Variants in GALNT13 observed in about 807,000 individuals in gnomAD.
GALNT13 encodes the protein UDP-GalNAc:polypeptide N-acetylgalactosaminyltransferase 13.
A neutral mutation model predicts 64.2 loss-of-function variants in GALNT13; 28 were observed. That is an observed-to-expected ratio of 0.44 (90% CI 0.32 to 0.60). The LOEUF is 0.60. GALNT13 is among the 20% of genes least tolerant of loss of function. The probability of loss-of-function intolerance (pLI) is 0.05; values close to 1 mark genes in which losing one functional copy is unlikely to be tolerated. For missense variants in GALNT13, 577 were observed against 669.8 expected, an observed-to-expected ratio of 0.86 and a Z score of 1.53; for synonymous variants, 214 against 224.6, an observed-to-expected ratio of 0.95 and a Z score of 0.42.
chr2:154,141,560 A>G (rs1412020857), intron 4 of GALNT13, among the ~76,000 whole-genome samples: 1 of 152,192 alleles, frequency 6.6e-6, no homozygotes, highest in Non-Finnish European at 1.5e-5. Flanking sequence ...ATCACTAGGC[A>G]ATAGGAATCT....
At chr2:153,679,187 C>T in the GALNT13 span, among the ~76,000 whole-genome samples, 29 of 151,926 alleles carry the variant, frequency 1.9e-4, no homozygotes, top group Non-Finnish European at 1.5e-5. Context: ...AGCCTGTTGA[C>T]TTCTAGAAAA....
At chr2:154,093,458 C>G (rs1026087034) in intron 3 of GALNT13, among the ~76,000 whole-genome samples, 2 of 151,928 alleles carry the variant, frequency 1.3e-5, no homozygotes. Flanking sequence ...TCTACCTTCA[C>G]AAAAATGAAT....
At chr2:153,686,128 T>TC in the GALNT13 span, among the ~76,000 whole-genome samples, 1 of 152,038 alleles carries the variant, frequency 6.6e-6, no homozygotes. Context: ...CTGTTCGGGC[T>TC]CTTTTTTTGG....
the GALNT13 span, among the ~76,000 whole-genome samples, chr2:153,471,393 G>T: frequency 1.3e-5 from 2 of 152,066 alleles, no homozygotes; most frequent in Non-Finnish European, 2.9e-5. Context: ...AGAAAACTCA[G>T]CCAGCGGACA....
intron 3 of GALNT13, among the ~76,000 whole-genome samples, chr2:153,963,218 T>C (rs566822757): frequency 3.9e-5 from 6 of 152,256 alleles, no homozygotes; most frequent in African/African-American, 1.4e-4. Context: ...AGGACAGAGG[T>C]CTCACTATCT....
At chr2:153,122,895 G>A in the GALNT13 span, among the ~76,000 whole-genome samples, 8 of 152,036 alleles carry the variant, frequency 5.3e-5, no homozygotes, top group East Asian at 1.5e-3. Flanking sequence ...CATTGCAGAT[G>A]TAATTGAGTT....
At chr2:153,208,540 T>C in the GALNT13 span, among the ~76,000 whole-genome samples, 1 of 152,176 alleles carries the variant, frequency 6.6e-6, no homozygotes, top group Non-Finnish European at 1.5e-5. Context: ...CAGCACACTT[T>C]GTTTATCTGG....
intron 8 of GALNT13, among the ~76,000 whole-genome samples, chr2:154,282,681 T>A (rs1037810993): frequency 6.6e-6 from 1 of 152,302 alleles, no homozygotes; most frequent in Admixed American, 6.5e-5. Flanking sequence ...ATGCTTTTTT[T>A]ATTTTCCATG....
the GALNT13 span, among the ~76,000 whole-genome samples, chr2:153,819,305 T>C: frequency 6.6e-6 from 1 of 152,172 alleles, no homozygotes. Context: ...TCATTTCCCA[T>C]GGCTGTCAAT....
intron 4 of GALNT13, among the ~76,000 whole-genome samples, chr2:154,169,350 G>C (rs1363931862): frequency 1.3e-5 from 2 of 152,154 alleles, no homozygotes; most frequent in African/African-American, 4.8e-5. Context: ...GGTATAAGTA[G>C]TCTCATTATG....
chr2:154,060,434 C>T (rs1208864026), intron 3 of GALNT13, among the ~76,000 whole-genome samples: 1 of 152,114 alleles, frequency 6.6e-6, no homozygotes, highest in African/African-American at 2.4e-5. Context: ...CATCTCGTTG[C>T]AACCTCCACC....
the GALNT13 span, among the ~76,000 whole-genome samples, chr2:153,499,623 C>A: frequency 6.6e-6 from 1 of 152,198 alleles, no homozygotes; most frequent in African/African-American, 2.4e-5. Context: ...CCCTACACTT[C>A]ACCTCAGCCT....
chr2:153,193,791 G>A, the GALNT13 span, among the ~76,000 whole-genome samples: 9 of 152,264 alleles, frequency 5.9e-5, no homozygotes, highest in South Asian at 1.0e-3. Context: ...TGGTTTAGTG[G>A]TGATGAAATC....
the GALNT13 span, among the ~76,000 whole-genome samples, chr2:153,117,510 A>T: frequency 9.2e-3 from 1,406 of 152,324 alleles, 27 homozygotes; most frequent in African/African-American, 0.032. Flanking sequence ...TTCCATATAA[A>T]ACTTACTCAT....
At chr2:153,872,546 C>T (rs1319689265) in intron 1 of GALNT13, among the ~76,000 whole-genome samples, 1 of 147,448 alleles carries the variant, frequency 6.8e-6, no homozygotes, top group East Asian at 2.1e-4. Context: ...GGGAGGACCG[C>T]GTGGCGCGGA....
chr2:153,164,004 C>G, the GALNT13 span, among the ~76,000 whole-genome samples: 1 of 144,868 alleles, frequency 6.9e-6, no homozygotes, highest in African/African-American at 2.6e-5. Flanking sequence ...GGCGACCGAG[C>G]CAGGCTCCGT....
intron 9 of GALNT13, among the ~76,000 whole-genome samples, chr2:154,322,091 G>T (rs1694651831): frequency 6.8e-6 from 1 of 147,188 alleles, no homozygotes; most frequent in South Asian, 2.1e-4. Context: ...GATTCTAAAG[G>T]CAAGAAAGTA....
chr2:154,316,613 G>C (rs1233673624), intron 9 of GALNT13, among the ~76,000 whole-genome samples: 2 of 152,128 alleles, frequency 1.3e-5, no homozygotes, highest in Non-Finnish European at 2.9e-5. Flanking sequence ...GAGATTATGG[G>C]AAGTCCAAAA....
chr2:154,325,867 T>C (rs1017814119), intron 9 of GALNT13, among the ~76,000 whole-genome samples: 1 of 152,114 alleles, frequency 6.6e-6, no homozygotes, highest in African/African-American at 2.4e-5. Context: ...GGTAACTCAT[T>C]CACTAATTCT....
Sources: gnomAD v4.1 joint callset for allele counts (sites outside exome capture counted in the v4.1 genomes callset) on GRCh38, gnomAD v4.1.1 for gene constraint, MANE v1.5 for transcripts, NCBI Gene and HGNC (gene_info 2026-07-23, HGNC 2026-07-21) for gene names.